RARB: variants seen among roughly 807,000 people sequenced by gnomAD.
RARB encodes HBV-activated protein.
A neutral mutation model predicts 51.9 loss-of-function variants in RARB; 17 were observed. That is an observed-to-expected ratio of 0.33 (90% CI 0.22 to 0.49). The LOEUF is 0.49. RARB is among the 20% of genes least tolerant of loss of function. RARB has a pLI of 0.99. For missense variants in RARB, 369 were observed against 550.8 expected, an observed-to-expected ratio of 0.67 and a Z score of 3.30; for synonymous variants, 215 against 195.4, an observed-to-expected ratio of 1.10 and a Z score of -0.84.
intron 3 of RARB, among the ~76,000 whole-genome samples, chr3:25,547,047 A>C (rs1192394475): frequency 1.3e-5 from 2 of 152,138 alleles, no homozygotes; most frequent in Non-Finnish European, 2.9e-5. Context: ...AAATCAGATA[A>C]GCTTAGCTAC....
chr3:24,881,687 C>T lies in RARB; in HGVS notation c.-380+22935C>T, dbSNP rs184240099. ...AATGGAGCACAAAACCTTCAAAATT[C>T]TGAAGGAAAATATGGAACCAACCCA... On this transcript the variant is annotated intron_variant, in intron 2 of 11. Transcript: ENST00000383772. Among the ~76,000 whole-genome samples, 366 of 152,222 alleles carry T rather than the reference C, an allele frequency of 2.4e-3. 4 individuals are homozygous for T. The highest frequency in any genetic ancestry group is 8.6e-3 in the African/African-American group (356 of 41,530).
chr3:25,089,229 C>A (rs1474414161), intron 3 of RARB, among the ~76,000 whole-genome samples: 2 of 151,152 alleles, frequency 1.3e-5, no homozygotes, highest in African/African-American at 4.9e-5. Flanking sequence ...AATTATCCTG[C>A]AAGCTGAAGA....
At chr3:24,910,381 A>G (rs2125378795) in intron 2 of RARB, among the ~76,000 whole-genome samples, 1 of 152,312 alleles carries the variant, frequency 6.6e-6, no homozygotes, top group East Asian at 1.9e-4. Context: ...CCCACTAATA[A>G]TGAAATTTAT....
At chr3:24,869,484 A>G (rs1022010133) in intron 2 of RARB, among the ~76,000 whole-genome samples, 4 of 152,172 alleles carry the variant, frequency 2.6e-5, no homozygotes, top group African/African-American at 9.6e-5. Context: ...TATAAAAAAT[A>G]GACTAAAACT....
At chr3:24,907,849 A>G (rs1291759696) in intron 2 of RARB, among the ~76,000 whole-genome samples, 1 of 152,128 alleles carries the variant, frequency 6.6e-6, no homozygotes, top group Non-Finnish European at 1.5e-5. Context: ...TATTACCAAT[A>G]TAGGGATCTA....
chr3:25,468,290 A>G (rs914296003), intron 2 of RARB, among the ~76,000 whole-genome samples: 1 of 150,224 alleles, frequency 6.7e-6, no homozygotes, highest in African/African-American at 2.5e-5. Flanking sequence ...AGAGGTCTCC[A>G]GTGTTTGTAC....
chr3:24,837,781 C>G (rs1335286316), intron 1 of RARB, among the ~76,000 whole-genome samples: 1 of 152,120 alleles, frequency 6.6e-6, no homozygotes, highest in African/African-American at 2.4e-5. Flanking sequence ...AAAAAGGAAA[C>G]AGTGATTGCT....
At chr3:24,975,086 T>C (rs1013202456) in intron 2 of RARB, among the ~76,000 whole-genome samples, 5 of 152,152 alleles carry the variant, frequency 3.3e-5, no homozygotes, top group African/African-American at 9.7e-5. Flanking sequence ...CTGAAATAGA[T>C]TGAAACAAGA....
chr3:25,252,558 C>G (rs1384139476), intron 5 of RARB, among the ~76,000 whole-genome samples: 2 of 152,112 alleles, frequency 1.3e-5, no homozygotes, highest in Non-Finnish European at 2.9e-5. Flanking sequence ...ACAAGCCTTG[C>G]ACTTCTTTTG....
At chr3:25,400,376 CAT>C (rs1411916070) in intron 5 of RARB, among the ~76,000 whole-genome samples, 3 of 152,124 alleles carry the variant, frequency 2.0e-5, no homozygotes, top group Non-Finnish European at 2.9e-5. Context: ...TCAAGGAACT[CAT>C]GATCTGGTAA....
At chr3:25,565,500 A>G (rs1014282988) in intron 3 of RARB, among the ~76,000 whole-genome samples, 5 of 152,190 alleles carry the variant, frequency 3.3e-5, no homozygotes, top group African/African-American at 7.2e-5. Flanking sequence ...GTCTGCTACC[A>G]TAAGTTTTTG....
At chr3:24,916,690 A>T (rs1032031245) in intron 2 of RARB, among the ~76,000 whole-genome samples, 4 of 148,670 alleles carry the variant, frequency 2.7e-5, no homozygotes, top group Non-Finnish European at 5.9e-5. Flanking sequence ...TTTGGTAAAA[A>T]GTATTGCAGT....
intron 2 of RARB, among the ~76,000 whole-genome samples, chr3:25,022,141 A>G (rs1326054166): frequency 6.6e-6 from 1 of 152,196 alleles, no homozygotes; most frequent in Non-Finnish European, 1.5e-5. Flanking sequence ...AAACCCAAGT[A>G]TAGTGTACAT....
intron 2 of RARB, among the ~76,000 whole-genome samples, chr3:24,950,344 A>G (rs1490243313): frequency 2.0e-5 from 3 of 152,226 alleles, no homozygotes; most frequent in Non-Finnish European, 4.4e-5. Flanking sequence ...TCACATAATT[A>G]TGTAAAAATG....
At chr3:25,313,138 T>C (rs1171626780) in intron 5 of RARB, among the ~76,000 whole-genome samples, 2 of 152,210 alleles carry the variant, frequency 1.3e-5, no homozygotes, top group Non-Finnish European at 2.9e-5. Flanking sequence ...GTTTGTTGTT[T>C]TTGTTTTTGT....
intron 5 of RARB, among the ~76,000 whole-genome samples, chr3:25,366,275 G>C (rs962941574): frequency 6.6e-6 from 1 of 152,188 alleles, no homozygotes; most frequent in Non-Finnish European, 1.5e-5. Flanking sequence ...AAGTAGTAGA[G>C]AAAAGATTTG....
chr3:24,884,656 C>A (rs887157123), intron 2 of RARB, among the ~76,000 whole-genome samples: 1 of 152,036 alleles, frequency 6.6e-6, no homozygotes, highest in African/African-American at 2.4e-5. Context: ...TTCTAGATTT[C>A]TTTGTGAAAG....
intron 4 of RARB, among the ~76,000 whole-genome samples, chr3:25,139,258 C>A (rs1416743092): frequency 6.6e-6 from 1 of 152,112 alleles, no homozygotes; most frequent in Non-Finnish European, 1.5e-5. Flanking sequence ...AATGATTAAA[C>A]TTAGTGAAGA....
intron 4 of RARB, among the ~76,000 whole-genome samples, chr3:25,571,590 T>C (rs1171323528): frequency 6.6e-6 from 1 of 152,188 alleles, no homozygotes; most frequent in African/African-American, 2.4e-5. Context: ...GACTGGACAC[T>C]GTAAGGGAGC....
Sources: gnomAD v4.1 joint callset for allele counts (sites outside exome capture counted in the v4.1 genomes callset) on GRCh38, gnomAD v4.1.1 for gene constraint, MANE v1.5 for transcripts, NCBI Gene and HGNC (gene_info 2026-07-23, HGNC 2026-07-21) for gene names.